Variants in DPP10 observed in about 807,000 individuals in gnomAD.
DPP10 encodes the protein inactive dipeptidyl peptidase 10.
A neutral mutation model predicts 120.9 loss-of-function variants in DPP10; 33 were observed. That is an observed-to-expected ratio of 0.27 (90% confidence interval 0.21 to 0.37). The LOEUF (loss-of-function observed/expected upper bound fraction) is 0.37. Ranked by LOEUF, DPP10 falls within the 10% of genes least tolerant of loss-of-function variation. The pLI is 1.00. For synonymous variants in DPP10, 337 were observed against 326.1 expected (o/e 1.03, Z -0.36); for missense variants, 816 against 942.8 (o/e 0.87, Z 1.76).
intron 1 of DPP10, among the ~76,000 whole-genome samples, chr2:115,208,359 C>T (rs1021688056): frequency 6.6e-6 from 1 of 151,938 alleles, no homozygotes; most frequent in African/African-American, 2.4e-5. Flanking sequence ...GCCACTGCAC[C>T]CGGCTAATTT....
chr2:114,599,844 G>A (rs528667000), intron 1 of DPP10, among the ~76,000 whole-genome samples: 1 of 151,518 alleles, frequency 6.6e-6, no homozygotes, highest in Non-Finnish European at 1.5e-5. Context: ...ATTATTGTTT[G>A]TGGCTAGAAT....
chr2:115,255,436 A>G (rs2058941479), intron 1 of DPP10, among the ~76,000 whole-genome samples: 1 of 152,196 alleles, frequency 6.6e-6, no homozygotes, highest in Admixed American at 6.5e-5. Context: ...GAGGTCTCTG[A>G]CATGCCCTAA....
intron 3 of DPP10, among the ~76,000 whole-genome samples, chr2:115,344,958 T>C (rs1443975528): frequency 6.6e-6 from 1 of 152,218 alleles, no homozygotes; most frequent in Non-Finnish European, 1.5e-5. Context: ...GTATTTATGC[T>C]GGTGAATTAA....
Position 114,637,527 on chromosome 2 carries a change from GC to G in DPP10, c.60+194690del, listed in dbSNP as rs140288525. On this transcript the variant is annotated intron_variant, in intron 1 of 25. Coordinates refer to ENST00000410059, the MANE Select transcript of DPP10 (RefSeq NM_020868.6). ...GTCAGTTTTTGTTTTTGTTTCAGTT[GC>G]TTTTGAGGACTTAGCCAAAAATTCT... Among the ~76,000 whole-genome samples the G allele has an allele frequency of 5.8e-3, 886 of 152,020 alleles. 25 individuals are homozygous for G. The highest frequency in any genetic ancestry group is 0.021 in the African/African-American group (848 of 41,326).
chr2:114,628,273 T>C (rs1015130386), intron 1 of DPP10, among the ~76,000 whole-genome samples: 1 of 152,110 alleles, frequency 6.6e-6, no homozygotes, highest in Non-Finnish European at 1.5e-5. Flanking sequence ...GCTTCAGAGA[T>C]TTAATTCCTG....
At chr2:115,580,818 A>T (rs1011881988) in intron 5 of DPP10, among the ~76,000 whole-genome samples, 1 of 151,562 alleles carries the variant, frequency 6.6e-6, no homozygotes, top group East Asian at 1.9e-4. Context: ...TGTCAATTAC[A>T]TTTTTTTTCC....
chr2:115,671,996 A>G (rs1418603982), intron 5 of DPP10, among the ~76,000 whole-genome samples: 1 of 152,186 alleles, frequency 6.6e-6, no homozygotes, highest in African/African-American at 2.4e-5. Context: ...TGTATTCAAA[A>G]CCACTTATAA....
intron 3 of DPP10, among the ~76,000 whole-genome samples, chr2:115,455,299 A>G (rs1487267841): frequency 1.3e-5 from 2 of 151,766 alleles, no homozygotes; most frequent in Admixed American, 6.6e-5. Flanking sequence ...TGGAGGTAGA[A>G]ATTGATGAGC....
chr2:115,090,134 TTA>T (rs1709121086), intron 1 of DPP10, among the ~76,000 whole-genome samples: 2 of 152,194 alleles, frequency 1.3e-5, no homozygotes, highest in Non-Finnish European at 2.9e-5. Context: ...CACATTTGTG[TTA>T]TGTTTTATTT....
intron 5 of DPP10, among the ~76,000 whole-genome samples, chr2:115,572,563 A>C (rs796382389): frequency 7.2e-5 from 11 of 152,224 alleles, no homozygotes; most frequent in African/African-American, 2.4e-4. Context: ...TTTCTACTCT[A>C]TGTATATACT....
rs115469397 is a variant in DPP10, at chr2:114,789,986, C to T, written c.60+347148C>T. Among the ~76,000 whole-genome samples the T allele has an allele frequency of 9.3e-3, 1,419 of 152,300 alleles. 25 individuals carry two copies. Among genetic ancestry groups the T allele is most frequent in the African/African-American group, 0.033 (1,353 of 41,552 alleles). ...ATGGTGTGCAGACAACCAACTTTAG[C>T]TAGTGTTATGGCTGTTATTATTGTC... On this transcript the variant is annotated intron_variant, in intron 1 of 25. Transcript: ENST00000410059.
intron 1 of DPP10, among the ~76,000 whole-genome samples, chr2:115,004,519 C>A (rs866472232): frequency 6.6e-6 from 1 of 152,096 alleles, no homozygotes; most frequent in African/African-American, 2.4e-5. Flanking sequence ...GTGCACCGTG[C>A]GCGAGCCAAA....
intron 1 of DPP10, among the ~76,000 whole-genome samples, chr2:115,030,380 A>T (rs1397129246): frequency 6.6e-6 from 1 of 152,168 alleles, no homozygotes; most frequent in Non-Finnish European, 1.5e-5. Context: ...ATTGTGTATC[A>T]ATCTTAAACT....
intron 1 of DPP10, among the ~76,000 whole-genome samples, chr2:114,827,206 A>G (rs1686632267): frequency 6.6e-6 from 1 of 152,182 alleles, no homozygotes; most frequent in Admixed American, 6.5e-5. Flanking sequence ...CATGGTCCTC[A>G]AATCAAAAGT....
At chr2:115,024,155 A>C (rs574527456) in intron 1 of DPP10, among the ~76,000 whole-genome samples, 1 of 152,064 alleles carries the variant, frequency 6.6e-6, no homozygotes. Context: ...AAAACCTATT[A>C]AAAAAATTTT....
intron 3 of DPP10, among the ~76,000 whole-genome samples, chr2:115,438,704 G>A (rs187452089): frequency 6.6e-5 from 10 of 152,264 alleles, no homozygotes; most frequent in Admixed American, 3.3e-4. Flanking sequence ...ATTCATGGAA[G>A]CACAATGTAG....
intron 1 of DPP10, among the ~76,000 whole-genome samples, chr2:114,751,920 G>A (rs1679264232): frequency 6.6e-6 from 1 of 152,180 alleles, no homozygotes; most frequent in Non-Finnish European, 1.5e-5. Flanking sequence ...AGTGCAGATT[G>A]TGAATAGGTC....
chr2:115,788,781 C>G (rs1023548856), intron 17 of DPP10, among the ~76,000 whole-genome samples: 2 of 152,120 alleles, frequency 1.3e-5, no homozygotes, highest in Non-Finnish European at 2.9e-5. Flanking sequence ...TTTTATGCAA[C>G]TTTTAATAAG....
chr2:115,328,455 A>G (rs2106149780), intron 2 of DPP10, among the ~76,000 whole-genome samples: 1 of 152,196 alleles, frequency 6.6e-6, no homozygotes, highest in Admixed American at 6.6e-5. Context: ...GTTTGAGGTA[A>G]AATTTAATAA....
Sources: gnomAD v4.1 joint callset for allele counts (sites outside exome capture counted in the v4.1 genomes callset) on GRCh38, gnomAD v4.1.1 for gene constraint, MANE v1.5 for transcripts, NCBI Gene and HGNC (gene_info 2026-07-23, HGNC 2026-07-21) for gene names.